The following GSE1 variants were observed in gnomAD, a reference collection of about 807,000 sequenced individuals.
The protein encoded by GSE1 is genetic suppressor element 1.
A neutral mutation model predicts 112.6 loss-of-function variants in GSE1; 32 were observed. The observed-to-expected ratio is 0.28, with a 90% CI of 0.21 to 0.38. The LOEUF (loss-of-function observed/expected upper bound fraction) is 0.38, where lower values mean the gene tolerates loss of function less well. GSE1 is among the 10% of genes least tolerant of loss of function. The pLI, the probability that GSE1 is intolerant of heterozygous loss-of-function variation, is 1.00. For synonymous variants in GSE1, 1,115 were observed against 735.6 expected (o/e 1.52, Z -8.35); for missense variants, 2,348 against 1,699.2 (o/e 1.38, Z -6.71).
At chr16:85,669,707 A>G (rs993875956) in intron 14 of GSE1, among the ~76,000 whole-genome samples, 3 of 151,962 alleles carry the variant, frequency 2.0e-5, no homozygotes, top group Admixed American at 1.3e-4. Context: ...CTGTCAGGCT[A>G]TTCTTCTGTA....
At chr16:85,629,950 G>T (rs1265494576) in intron 1 of GSE1, among the ~76,000 whole-genome samples, 1 of 152,218 alleles carries the variant, frequency 6.6e-6, no homozygotes, top group Admixed American at 6.5e-5. Context: ...GTGGGCCAGG[G>T]ATTGGAGGAT....
chr16:85,322,910 C>G (rs1307110362), intron 1 of GSE1, among the ~76,000 whole-genome samples: 1 of 152,190 alleles, frequency 6.6e-6, no homozygotes, highest in South Asian at 2.1e-4. Flanking sequence ...GCCACCACGC[C>G]CAGCCTCCGT....
intron 1 of GSE1, among the ~76,000 whole-genome samples, chr16:85,349,669 C>G (rs61169829): frequency 0.022 from 3,286 of 152,260 alleles, 106 homozygotes; most frequent in African/African-American, 0.075. Flanking sequence ...GGCTTCGTGC[C>G]TGTGCTTGAT....
chr16:85,303,237 T>C (rs949526787), intron 1 of GSE1, among the ~76,000 whole-genome samples: 6 of 152,242 alleles, frequency 3.9e-5, no homozygotes, highest in African/African-American at 1.4e-4. Context: ...CCCACTGCCC[T>C]GCTTGCCGCG....
intron 1 of GSE1, among the ~76,000 whole-genome samples, chr16:85,324,909 T>C (rs927167612): frequency 2.6e-5 from 4 of 152,180 alleles, no homozygotes; most frequent in Non-Finnish European, 4.4e-5. Context: ...AAGCACTGAG[T>C]TGGACACTTT....
chr16:85,395,580 T>C (rs1050427280), intron 2 of GSE1, among the ~76,000 whole-genome samples: 1 of 152,172 alleles, frequency 6.6e-6, no homozygotes, highest in Non-Finnish European at 1.5e-5. Flanking sequence ...GCTCTGGCTT[T>C]GGCTGGGCAC....
intron 14 of GSE1, chr16:85,670,656 C>A (rs886998191): frequency 4.7e-5 from 8 of 171,236 alleles, no homozygotes; most frequent in Non-Finnish European, 3.7e-5. Context: ...TAGGTGTACT[C>A]TGGCCTTTTT....
At chr16:85,420,824 G>A (rs981923557) in intron 2 of GSE1, among the ~76,000 whole-genome samples, 16 of 152,246 alleles carry the variant, frequency 1.1e-4, no homozygotes, top group African/African-American at 3.6e-4. Context: ...AGGCTGCAGG[G>A]CACCCGGCCG....
intron 1 of GSE1, among the ~76,000 whole-genome samples, chr16:85,220,999 A>C (rs1312687070): frequency 1.4e-5 from 2 of 139,158 alleles, no homozygotes; most frequent in East Asian, 2.5e-4. Flanking sequence ...CACATGGGAG[A>C]ACAGCCAAGC....
At chr16:85,282,567 A>G (rs908356407) in intron 1 of GSE1, among the ~76,000 whole-genome samples, 1 of 152,222 alleles carries the variant, frequency 6.6e-6, no homozygotes, top group Non-Finnish European at 1.5e-5. Context: ...ACGTTCAGGC[A>G]TCCTGGACTG....
chr16:85,227,754 C>G (rs1367021315), intron 1 of GSE1, among the ~76,000 whole-genome samples: 1 of 152,200 alleles, frequency 6.6e-6, no homozygotes, highest in African/African-American at 2.4e-5. Flanking sequence ...TAGTCTGGCT[C>G]TGCGCTGGGC....
chr16:85,587,844 C>T (rs1287327528), intron 1 of GSE1, among the ~76,000 whole-genome samples: 1 of 152,208 alleles, frequency 6.6e-6, no homozygotes, highest in African/African-American at 2.4e-5. Flanking sequence ...CCTTGGGCCC[C>T]CTCCCCCAGC....
In GSE1 at chr16:85,208,352, G is replaced by A. The variant is rs902402415; in HGVS notation, c.2283+36545G>A. On this transcript the variant is annotated intron_variant, in intron 1 of 2. Transcript: ENST00000637419. ...TCTGCGGAGTTCTCAGCCATCGCCC[G>A]TGGCATCTCGGCTGGTGCTCCCACT... Among the ~76,000 whole-genome samples the A allele has an allele frequency of 3.3e-5, 5 of 152,306 alleles. No homozygotes were observed. The South Asian group carries it at 6.2e-4, about 19-fold the overall frequency.
At chr16:85,344,376 G>T (rs780054264) in intron 1 of GSE1, among the ~76,000 whole-genome samples, 1 of 152,188 alleles carries the variant, frequency 6.6e-6, no homozygotes, top group Non-Finnish European at 1.5e-5. Context: ...GGCCGAGCGG[G>T]GTCCTGCCCG....
At chr16:85,496,102 A>G (rs2051167689) in intron 2 of GSE1, among the ~76,000 whole-genome samples, 1 of 152,222 alleles carries the variant, frequency 6.6e-6, no homozygotes, top group Non-Finnish European at 1.5e-5. Context: ...ATGGGGGCAC[A>G]GCTCGGAGCA....
At chr16:85,202,985 AC>A (rs1466883080) in intron 1 of GSE1, among the ~76,000 whole-genome samples, 1 of 40,134 alleles carries the variant, frequency 2.5e-5, no homozygotes, top group African/African-American at 1.0e-4. Context: ...CCCCACCTCT[AC>A]CCCCCTTCTC....
intron 1 of GSE1, among the ~76,000 whole-genome samples, chr16:85,177,163 C>G (rs1190414426): frequency 1.3e-5 from 2 of 152,228 alleles, no homozygotes; most frequent in African/African-American, 2.4e-5. Context: ...AACTCGGCCT[C>G]CCCTGGAAGC....
intron 1 of GSE1, among the ~76,000 whole-genome samples, chr16:85,220,990 A>C (rs898605024): frequency 7.5e-6 from 1 of 133,644 alleles, no homozygotes; most frequent in African/African-American, 2.7e-5. Context: ...CCAGCAAGGC[A>C]CATGGGAGAA....
chr16:85,195,088 C>G (rs1474302414), intron 1 of GSE1, among the ~76,000 whole-genome samples: 3 of 152,130 alleles, frequency 2.0e-5, no homozygotes, highest in Non-Finnish European at 4.4e-5. Context: ...AGGCATGTAC[C>G]TCTGCCTACG....
Sources: gnomAD v4.1 joint callset for allele counts (sites outside exome capture counted in the v4.1 genomes callset) on GRCh38, gnomAD v4.1.1 for gene constraint, MANE v1.5 for transcripts, NCBI Gene and HGNC (gene_info 2026-07-23, HGNC 2026-07-21) for gene names.